NEK8: variants seen among roughly 807,000 people sequenced by gnomAD.
NEK8 encodes the protein NIMA related kinase 8, also known as serine/threonine-protein kinase Nek8.
Under a neutral mutation model 77.2 loss-of-function variants are expected in NEK8, and 51 were observed. The ratio of observed to expected loss-of-function variants is 0.66; its 90% CI spans 0.53 to 0.83. The LOEUF (loss-of-function observed/expected upper bound fraction) is 0.83. Among genes scored for constraint, NEK8 ranks in the 40% least tolerant of loss-of-function variants. NEK8 has a pLI of 0.00. For missense variants in NEK8, 787 were observed against 909.2 expected (o/e 0.87, Z 1.73); for synonymous variants, 365 against 363.2 (o/e 1.00, Z -0.06).
chr17:28,728,803 T>A lies in NEK8; in HGVS notation c.-11T>A. ...CGCGTGGGGGACGGAAGTGAAACTC[T>A]AAGAAATGAGATGGAGAAGTACGAG... On this transcript the variant is annotated 5_prime_UTR_variant, in exon 1 of 15. Transcript: ENST00000268766. The A allele has an allele frequency of 6.4e-7, 1 of 1,551,084 alleles. No individual in the cohort carries two copies. The highest frequency in any genetic ancestry group is 1.2e-5 in the South Asian group (1 of 84,058).
intron 2 of NEK8, 29 bp from the exon 3 acceptor site, chr17:28,734,743 T>C (rs755234393): frequency 1.3e-6 from 2 of 1,519,146 alleles, no homozygotes; most frequent in East Asian, 2.3e-5. Context: ...TGAGAAAGCC[T>C]GGATCTTGAT....
chr17:28,729,160 C>T (rs2034281019), intron 1 of NEK8, among the ~76,000 whole-genome samples: 2 of 152,252 alleles, frequency 1.3e-5, no homozygotes, highest in South Asian at 4.1e-4. Flanking sequence ...TAGTTAGAAC[C>T]GGAACGGGCG....
Position 28,735,333 on chromosome 17 carries a change from T to C in NEK8, c.580T>C (p.Tyr194His). The part of the protein sequence containing the change: ...SDIWALGCVL[Y>H]ELASLKRAFE... ...CATCTGGGCCCTGGGCTGTGTCCTC[T>C]ACGAGCTGGCCAGCCTCAAGAGGGC... The change falls in exon 4 of 15, where the codon TAC (tyrosine) becomes CAC (histidine). Residue 194 changes from tyrosine (Y) to histidine (H), a missense_variant. Coordinates refer to ENST00000268766, the MANE Select transcript of NEK8 (RefSeq NM_178170.3). 2 of 1,614,068 alleles carry C rather than the reference T, an allele frequency of 1.2e-6. No homozygotes were observed. Among genetic ancestry groups the C allele is most frequent in the Non-Finnish European group, 1.7e-6 (2 of 1,179,966 alleles).
Position 28,741,227 on chromosome 17 carries a change from A to G in NEK8, c.1882A>G (p.Ile628Val), listed in dbSNP as rs778417241. ...VACGDAFTVA[I>V]GAESEVYSWG... is the part of the protein sequence containing the mutation. ...CTGTGGGGATGCCTTCACTGTAGCTATTGGGGCAGGTGAGGACTGAGCATG... is the reference window on the plus strand; with the variant it reads ...CTGTGGGGATGCCTTCACTGTAGCTGTTGGGGCAGGTGAGGACTGAGCATG... Residue 628 changes from isoleucine (I) to valine (V), a missense_variant, in exon 13 of 15, where the codon ATT becomes GTT. Physicochemically the swap from Ile to Val is conservative, Grantham distance 29. Transcript: ENST00000268766. This position sits in a 1 kb window ranked among gnomAD's most constrained non-coding sequence, Gnocchi z 4.5. 3 of 1,605,460 alleles carry G rather than the reference A, an allele frequency of 1.9e-6. No individual in the cohort carries two copies. The African/African-American group carries it at 4.0e-5, about 22-fold the overall frequency.
rs924232924 is a variant in NEK8 at position 28,740,430 on chromosome 17, T to G, written c.1418-33T>G. On this transcript the variant is annotated intron_variant, in intron 10 of 14. Coordinates refer to ENST00000268766, the MANE Select transcript of NEK8 (RefSeq NM_178170.3). The surrounding 1 kb of genome is among the most constrained non-coding windows in gnomAD (Gnocchi z 4.7). The stretch of plus-strand genomic sequence containing the variant: ...ATTCGGGCATCACCCCCACTAAAGC[T>G]CAAATTAACTCCTTCTGGGTTTCTT... 45 of 1,612,372 alleles carry G rather than the reference T, an allele frequency of 2.8e-5. 1 individual carries two copies. Among genetic ancestry groups the G allele is most frequent in the Non-Finnish European group, 3.5e-5 (41 of 1,178,680 alleles).
intron 1 of NEK8, among the ~76,000 whole-genome samples, chr17:28,730,951 A>G (rs753854665): frequency 7.3e-5 from 11 of 151,204 alleles, no homozygotes; most frequent in Non-Finnish European, 1.3e-4. Context: ...GAAAAAAAGA[A>G]AGAAAGGAAA....
At position 28,740,155 on chromosome 17, in the gene NEK8, A is replaced by G. The variant is rs538232143; in HGVS notation, c.1418-308A>G. 3.9e-5 allele frequency among the ~76,000 whole-genome samples: 6 copies of G among 152,250 alleles called. No individual in the cohort carries two copies. The highest frequency in any genetic ancestry group is 1.4e-4 in the African/African-American group (6 of 41,558). On this transcript the variant is annotated intron_variant, in intron 10 of 14. Coordinates refer to ENST00000268766, the MANE Select transcript of NEK8 (RefSeq NM_178170.3). This position sits in a 1 kb window ranked among gnomAD's most constrained non-coding sequence, Gnocchi z 4.7. ...AAAAATTAGCTGGGCATGGTGGTGC[A>G]TGCCTGTAATCCCGGCTACTCAGGA...
chr17:28,738,364 C>T (rs1470713108), intron 8 of NEK8, 119 bp downstream of exon 8: 4 of 1,241,898 alleles, frequency 3.2e-6, no homozygotes, highest in Non-Finnish European at 4.7e-6. Flanking sequence ...CGAGTTATTG[C>T]TTCTGTCTAG....
Position 28,737,672 on chromosome 17 carries a change from C to G in NEK8, c.828-3C>G. 1 of 1,614,166 alleles carries G rather than the reference C, an allele frequency of 6.2e-7. No individual in the cohort carries two copies. Among genetic ancestry groups the G allele is most frequent in the Non-Finnish European group, 8.5e-7 (1 of 1,180,020 alleles). ...TGTCCTTAGGCCCCCATCTGTCCTG[C>G]AGGGCAGAGAAGTCCGTGGCCCCCA... is the stretch of plus-strand genomic sequence containing the variant. On this transcript the variant is annotated splice_region_variant and splice_polypyrimidine_tract_variant and intron_variant, in intron 5 of 14. Transcript: ENST00000268766. The surrounding 1 kb of genome is among the most constrained non-coding windows in gnomAD (Gnocchi z 4.8).
intron 10 of NEK8, 125 bp downstream of exon 10, chr17:28,739,326 A>G: frequency 1.3e-6 from 1 of 787,390 alleles, no homozygotes; most frequent in Non-Finnish European, 2.3e-6. Flanking sequence ...CTCTTCATTC[A>G]TTCAACAAAC....
chr17:28,738,382 TGAG>T (rs2034388368), intron 8 of NEK8, 137 bp downstream of exon 8: 14 of 1,130,246 alleles, frequency 1.2e-5, no homozygotes, highest in African/African-American at 1.1e-4. Context: ...TAGTAACTAT[TGAG>T]GAGATTTCCT....
At position 28,741,441 on chromosome 17, in the gene NEK8, G is replaced by C; in HGVS notation, c.1920G>C (p.Gly640=). The C allele has an allele frequency of 6.2e-7, 1 of 1,614,172 alleles. No individual in the cohort carries two copies. Among genetic ancestry groups the C allele is most frequent in the Non-Finnish European group, 8.5e-7 (1 of 1,180,020 alleles). The change falls in exon 14 of 15, where the codon GGG becomes GGC. Residue 640 remains glycine, a synonymous_variant. Coordinates refer to ENST00000268766, the MANE Select transcript of NEK8 (RefSeq NM_178170.3). This position sits in a 1 kb window ranked among gnomAD's most constrained non-coding sequence, Gnocchi z 4.5. ...AESEVYSWGK[G]ARGRLGRRDE... Reference sequence around the variant, plus strand: ...GCGAAGTGTACTCTTGGGGCAAAGGGGCGCGAGGTCGATTGGGAAGGAGGG... The same window carrying C: ...GCGAAGTGTACTCTTGGGGCAAAGGCGCGCGAGGTCGATTGGGAAGGAGGG...
intron 4 of NEK8, among the ~76,000 whole-genome samples, chr17:28,735,780 ATTT>A (rs533689814): frequency 7.3e-5 from 9 of 122,752 alleles, no homozygotes; most frequent in South Asian, 5.8e-4. Context: ...TTATTTATTT[ATTT>A]TTTTTATTAT....
In NEK8 at chr17:28,740,012, G is replaced by T. The variant is rs896919334; in HGVS notation, c.1418-451G>T. ...TAAAGGAGGAGGATTTTGAGCCGGCGTGGTGGCTCACGCCTGTAATCCCAG... is the reference window on the plus strand; with the variant it reads ...TAAAGGAGGAGGATTTTGAGCCGGCTTGGTGGCTCACGCCTGTAATCCCAG... On this transcript the variant is annotated intron_variant, in intron 10 of 14. Transcript: ENST00000268766. This position sits in a 1 kb window ranked among gnomAD's most constrained non-coding sequence, Gnocchi z 4.7. Among the ~76,000 whole-genome samples, 4 of 152,050 alleles carry T rather than the reference G, an allele frequency of 2.6e-5. No homozygotes were observed. The highest frequency in any genetic ancestry group is 1.5e-5 in the Non-Finnish European group (1 of 68,022).
chr17:28,736,433 CTTG>C (rs538621389), intron 4 of NEK8, among the ~76,000 whole-genome samples: 1,623 of 152,322 alleles, frequency 0.011, 18 homozygotes, highest in Non-Finnish European at 0.018. Context: ...CTCTCCAGCA[CTTG>C]TTGTTTCCTG....
chr17:28,741,842 C>T lies in NEK8; in HGVS notation c.2051-117C>T, dbSNP rs950470478. On this transcript the variant is annotated intron_variant, in intron 14 of 14. Coordinates refer to ENST00000268766, the MANE Select transcript of NEK8 (RefSeq NM_178170.3). This position sits in a 1 kb window ranked among gnomAD's most constrained non-coding sequence, Gnocchi z 4.5. ...GCTGAGTCCCGTTGATGCTGAAACT[C>T]TCTTTCTGGCCTAACAGGGTCCAGA... The T allele has an allele frequency of 8.7e-7, 1 of 1,150,768 alleles. No homozygotes were observed. The highest frequency in any genetic ancestry group is 1.7e-5 in the Admixed American group (1 of 58,136). The allele number at this position is 1,150,768 out of a possible 1,614,324, so 71.3% of individuals were successfully genotyped here.
chr17:28,729,990 A>C (rs974544658), intron 1 of NEK8, among the ~76,000 whole-genome samples: 1 of 152,244 alleles, frequency 6.6e-6, no homozygotes, highest in African/African-American at 2.4e-5. Flanking sequence ...AAAGACTAGT[A>C]ATAGTTGGAA....
intron 1 of NEK8, among the ~76,000 whole-genome samples, chr17:28,733,402 A>G (rs2034328917): frequency 2.6e-5 from 4 of 152,176 alleles, no homozygotes; most frequent in African/African-American, 9.7e-5. Flanking sequence ...TGAGACTTAG[A>G]TCAGCTTATA....
At chr17:28,732,545 CTTT>C (rs1054257308) in intron 1 of NEK8, among the ~76,000 whole-genome samples, 8 of 77,912 alleles carry the variant, frequency 1.0e-4, no homozygotes, top group East Asian at 8.1e-4. Context: ...TTTTTCTTTT[CTTT>C]TTTTTTTTTT....
Sources: allele counts gnomAD v4.1 joint callset (sites outside exome capture counted in the v4.1 genomes callset), GRCh38; gene constraint gnomAD v4.1.1; non-coding constraint Gnocchi (gnomAD v3.1); transcripts MANE v1.5; gene names NCBI Gene and HGNC (gene_info 2026-07-23, HGNC 2026-07-21).